Variants in MAF observed in about 807,000 individuals in gnomAD.
The protein encoded by MAF is MAF bZIP transcription factor, also known as transcription factor Maf.
A neutral mutation model predicts 22.0 loss-of-function variants in MAF; 10 were observed. The observed-to-expected ratio is 0.45, with a 90% CI of 0.28 to 0.77. The LOEUF is 0.77. Ranked by LOEUF, MAF falls within the 30% of genes least tolerant of loss-of-function variation. The pLI is 0.12. For missense variants in MAF, 544 were observed against 548.4 expected (o/e 0.99, Z 0.08); for synonymous variants, 337 against 255.8 (o/e 1.32, Z -3.03).
the MAF span, among the ~76,000 whole-genome samples, chr16:79,417,313 G>T: frequency 1.3e-5 from 2 of 152,130 alleles, no homozygotes; most frequent in Non-Finnish European, 2.9e-5. Flanking sequence ...GATATCACTT[G>T]GTAAAATAAT....
the MAF span, among the ~76,000 whole-genome samples, chr16:79,220,981 C>A: frequency 5.9e-5 from 9 of 152,160 alleles, no homozygotes; most frequent in Admixed American, 1.3e-4. Flanking sequence ...CAGAAGAGGA[C>A]AGGAGCATTG....
chr16:79,522,688 C>A, the MAF span, among the ~76,000 whole-genome samples: 32 of 152,134 alleles, frequency 2.1e-4, no homozygotes, highest in Admixed American at 1.8e-3. Context: ...TCTGGGAGTA[C>A]AGAGAAGCCC....
chr16:79,491,727 C>T, the MAF span, among the ~76,000 whole-genome samples: 10 of 152,184 alleles, frequency 6.6e-5, no homozygotes, highest in African/African-American at 2.4e-4. Flanking sequence ...AGAAGATGTG[C>T]TTACCCAAAT....
At chr16:79,316,902 A>G in the MAF span, among the ~76,000 whole-genome samples, 42 of 152,308 alleles carry the variant, frequency 2.8e-4, 2 homozygotes, top group Middle Eastern at 0.031. Flanking sequence ...TTGGACACCA[A>G]CAAAGTAGGA....
At chr16:79,213,689 G>GTTAC in the MAF span, among the ~76,000 whole-genome samples, 3 of 152,154 alleles carry the variant, frequency 2.0e-5, no homozygotes, top group Non-Finnish European at 2.9e-5. Flanking sequence ...GCATCCAGCA[G>GTTAC]TTAGTTAGTT....
the MAF span, among the ~76,000 whole-genome samples, chr16:79,214,737 G>C: frequency 2.3e-5 from 2 of 85,316 alleles, 1 homozygote; most frequent in East Asian, 8.2e-4. Flanking sequence ...TTTTGAGACA[G>C]AATCTCACTC....
the MAF span, among the ~76,000 whole-genome samples, chr16:79,412,685 G>T: frequency 2.0e-5 from 3 of 152,214 alleles, no homozygotes; most frequent in East Asian, 5.8e-4. Context: ...GGGGATCGCA[G>T]TTCCTGTAGA....
the MAF span, among the ~76,000 whole-genome samples, chr16:79,451,906 A>G: frequency 1.3e-5 from 2 of 152,184 alleles, no homozygotes; most frequent in African/African-American, 4.8e-5. Flanking sequence ...GCAAATTTAT[A>G]TTTACTGAGC....
the MAF span, among the ~76,000 whole-genome samples, chr16:79,459,087 T>C: frequency 6.6e-6 from 1 of 152,170 alleles, no homozygotes; most frequent in East Asian, 1.9e-4. Flanking sequence ...TCTATCTCCA[T>C]TACTCAGTAA....
intron 1 of MAF, among the ~76,000 whole-genome samples, chr16:79,586,342 C>G (rs1042681394): frequency 1.3e-5 from 2 of 152,158 alleles, no homozygotes; most frequent in African/African-American, 4.8e-5. Flanking sequence ...TCAGGCTGTC[C>G]GCCCCTGGGA....
chr16:79,587,795 A>G (rs912289433), intron 1 of MAF, among the ~76,000 whole-genome samples: 4 of 142,136 alleles, frequency 2.8e-5, no homozygotes, highest in African/African-American at 1.0e-4. Flanking sequence ...CATTGGTGTC[A>G]TTTTCTTCAA....
the MAF span, among the ~76,000 whole-genome samples, chr16:79,431,839 T>C: frequency 6.6e-6 from 1 of 152,178 alleles, no homozygotes; most frequent in Non-Finnish European, 1.5e-5. Flanking sequence ...ACATGGCAAG[T>C]GAATGCTCAG....
the MAF span, among the ~76,000 whole-genome samples, chr16:79,230,655 TGAA>T: frequency 1.2e-4 from 18 of 152,152 alleles, no homozygotes; most frequent in African/African-American, 3.9e-4. Context: ...CCTTTAAACT[TGAA>T]GAAATTAACC....
At chr16:79,325,778 T>C in the MAF span, among the ~76,000 whole-genome samples, 2 of 152,194 alleles carry the variant, frequency 1.3e-5, no homozygotes, top group East Asian at 1.9e-4. Flanking sequence ...TTTTGTCTTA[T>C]TCATCAAAGG....
chr16:79,379,673 T>G, the MAF span, among the ~76,000 whole-genome samples: 1 of 152,200 alleles, frequency 6.6e-6, no homozygotes, highest in African/African-American at 2.4e-5. Flanking sequence ...TGAAACTAAG[T>G]CATTCCAGGG....
chr16:79,228,004 A>C, the MAF span, among the ~76,000 whole-genome samples: 2 of 152,098 alleles, frequency 1.3e-5, no homozygotes, highest in African/African-American at 4.8e-5. Flanking sequence ...CCTGCGCTCA[A>C]GCGATCCTCT....
At chr16:79,523,112 T>A in the MAF span, among the ~76,000 whole-genome samples, 2 of 152,246 alleles carry the variant, frequency 1.3e-5, no homozygotes, top group African/African-American at 4.8e-5. Flanking sequence ...CATCTTGAGC[T>A]TTTTCTGATC....
chr16:79,466,706 T>G, the MAF span, among the ~76,000 whole-genome samples: 4 of 152,236 alleles, frequency 2.6e-5, no homozygotes, highest in African/African-American at 9.6e-5. Flanking sequence ...GAGAAGACTG[T>G]GTGTGTTGAA....
At chr16:79,563,173 T>C in the MAF span, among the ~76,000 whole-genome samples, 2 of 152,128 alleles carry the variant, frequency 1.3e-5, no homozygotes, top group African/African-American at 2.4e-5. Context: ...ACACCAAAGC[T>C]AAACCTCAAT....
Sources: gnomAD v4.1 joint callset for allele counts (sites outside exome capture counted in the v4.1 genomes callset) on GRCh38, gnomAD v4.1.1 for gene constraint, MANE v1.5 for transcripts, NCBI Gene and HGNC (gene_info 2026-07-23, HGNC 2026-07-21) for gene names.